The following EPHB1 variants were observed in gnomAD, a reference collection of about 807,000 sequenced individuals.
EPHB1 encodes the protein ephrin type-B receptor 1.
A neutral mutation model predicts 94.4 loss-of-function variants in EPHB1; 30 were observed. The ratio of observed to expected loss-of-function variants is 0.32; its 90% CI spans 0.24 to 0.43. The LOEUF (loss-of-function observed/expected upper bound fraction) is 0.43, where lower values mean the gene tolerates loss of function less well. Ranked by LOEUF, EPHB1 falls within the 20% of genes least tolerant of loss-of-function variation. EPHB1 has a pLI of 1.00. For missense variants in EPHB1, 1,055 were observed against 1,308.3 expected (o/e 0.81, Z 2.99); for synonymous variants, 522 against 489.1 (o/e 1.07, Z -0.89).
intron 15 of EPHB1, among the ~76,000 whole-genome samples, chr3:135,257,112 A>ATTC (rs1933430865): frequency 6.7e-6 from 1 of 149,548 alleles, no homozygotes; most frequent in Non-Finnish European, 1.5e-5. Context: ...CTAGTTATAC[A>ATTC]TTCTTCTAAA....
chr3:134,884,006 C>A (rs1003031803), intron 1 of EPHB1, among the ~76,000 whole-genome samples: 3 of 152,210 alleles, frequency 2.0e-5, no homozygotes, highest in Non-Finnish European at 4.4e-5. Context: ...ATGACATAAG[C>A]CAGGCCACAC....
intron 1 of EPHB1, among the ~76,000 whole-genome samples, chr3:134,846,474 C>G (rs2036874660): frequency 6.6e-6 from 1 of 152,200 alleles, no homozygotes; most frequent in Non-Finnish European, 1.5e-5. Context: ...CGCGTGGGTG[C>G]TCCTTTGCTT....
intron 9 of EPHB1, among the ~76,000 whole-genome samples, 183 bp downstream of exon 9, chr3:135,167,189 C>CATGA (rs1448650384): frequency 1.3e-5 from 2 of 152,172 alleles, no homozygotes; most frequent in African/African-American, 4.8e-5. Flanking sequence ...TCCCATCTGC[C>CATGA]GTCTACCTGT....
intron 12 of EPHB1, among the ~76,000 whole-genome samples, chr3:135,211,603 A>C (rs1259558575): frequency 2.0e-5 from 3 of 152,106 alleles, no homozygotes; most frequent in African/African-American, 7.2e-5. Context: ...CATCACTTTA[A>C]CATTGTTGTT....
At chr3:135,143,805 C>T (rs1940912110) in intron 5 of EPHB1, among the ~76,000 whole-genome samples, 1 of 152,216 alleles carries the variant, frequency 6.6e-6, no homozygotes, top group East Asian at 1.9e-4. Context: ...TGCAGGGTCA[C>T]AGAATGCAGG....
chr3:135,147,207 C>T (rs994450722), intron 5 of EPHB1, among the ~76,000 whole-genome samples: 5 of 152,206 alleles, frequency 3.3e-5, no homozygotes, highest in Admixed American at 1.3e-4. Context: ...TTACCTTACC[C>T]GTTTTCTTCA....
chr3:135,148,320 T>C (rs1941082168), intron 5 of EPHB1, among the ~76,000 whole-genome samples: 1 of 152,242 alleles, frequency 6.6e-6, no homozygotes, highest in African/African-American at 2.4e-5. Flanking sequence ...AGGAATGTCA[T>C]AAACATAAAA....
chr3:134,986,727 C>A (rs1171830845), intron 3 of EPHB1, among the ~76,000 whole-genome samples: 1 of 151,936 alleles, frequency 6.6e-6, no homozygotes, highest in Non-Finnish European at 1.5e-5. Flanking sequence ...CACACACACA[C>A]ACACACACAC....
At chr3:135,226,184 T>C (rs1370106942) in intron 12 of EPHB1, among the ~76,000 whole-genome samples, 3 of 152,234 alleles carry the variant, frequency 2.0e-5, no homozygotes, top group Admixed American at 2.0e-4. Flanking sequence ...CAGCCTACAC[T>C]ACGGCTTGCA....
At chr3:134,971,792 T>A (rs1933977954) in intron 3 of EPHB1, among the ~76,000 whole-genome samples, 1 of 152,222 alleles carries the variant, frequency 6.6e-6, no homozygotes, top group African/African-American at 2.4e-5. Context: ...GGTCACATAC[T>A]GTTTGTTCTC....
chr3:134,886,746 T>C (rs113009002), intron 1 of EPHB1, among the ~76,000 whole-genome samples: 9,553 of 152,236 alleles, frequency 0.063, 336 homozygotes, highest in South Asian at 0.15. Context: ...CAACCCTAGG[T>C]TGGCACATTA....
intron 3 of EPHB1, among the ~76,000 whole-genome samples, chr3:134,990,311 A>G (rs1934750184): frequency 6.6e-6 from 1 of 152,204 alleles, no homozygotes; most frequent in Admixed American, 6.5e-5. Context: ...CAACAATTTC[A>G]CCAGGCTATG....
At chr3:134,882,790 C>CT (rs1163163896) in intron 1 of EPHB1, among the ~76,000 whole-genome samples, 5 of 62,464 alleles carry the variant, frequency 8.0e-5, no homozygotes, top group East Asian at 3.1e-4. Context: ...TTCTTTCTTT[C>CT]TTTCTTTCTT....
At chr3:135,039,220 A>G (rs1936748711) in intron 3 of EPHB1, among the ~76,000 whole-genome samples, 1 of 152,160 alleles carries the variant, frequency 6.6e-6, no homozygotes, top group Non-Finnish European at 1.5e-5. Flanking sequence ...CGTCCTCACC[A>G]GAGCAGCTAG....
At chr3:135,118,287 C>T (rs1366316998) in intron 4 of EPHB1, among the ~76,000 whole-genome samples, 1 of 152,180 alleles carries the variant, frequency 6.6e-6, no homozygotes, top group African/African-American at 2.4e-5. Context: ...CTCCACTACT[C>T]AGTGATAGCT....
At chr3:135,051,340 G>A (rs1389930209) in intron 3 of EPHB1, among the ~76,000 whole-genome samples, 1 of 152,172 alleles carries the variant, frequency 6.6e-6, no homozygotes, top group Non-Finnish European at 1.5e-5. Context: ...CTGGGCCTGG[G>A]TGCTGACCAC....
At chr3:134,824,039 A>C (rs1176983015) in intron 1 of EPHB1, among the ~76,000 whole-genome samples, 1 of 152,132 alleles carries the variant, frequency 6.6e-6, no homozygotes, top group Non-Finnish European at 1.5e-5. Flanking sequence ...TGAACCATGA[A>C]TGCTTCAGCT....
chr3:135,160,260 T>A (rs1185733043), intron 6 of EPHB1, among the ~76,000 whole-genome samples: 1 of 152,198 alleles, frequency 6.6e-6, no homozygotes, highest in Non-Finnish European at 1.5e-5. Flanking sequence ...TAAATACACA[T>A]CAGGTCATCT....
At chr3:135,060,467 A>G (rs1937465883) in intron 3 of EPHB1, among the ~76,000 whole-genome samples, 1 of 152,214 alleles carries the variant, frequency 6.6e-6, no homozygotes, top group Non-Finnish European at 1.5e-5. Flanking sequence ...TGGCTATTAC[A>G]AATAATGCTA....
Sources: allele counts gnomAD v4.1 joint callset (sites outside exome capture counted in the v4.1 genomes callset), GRCh38; gene constraint gnomAD v4.1.1; transcripts MANE v1.5; gene names NCBI Gene and HGNC (gene_info 2026-07-23, HGNC 2026-07-21).